Variants in TGM6 observed in about 807,000 individuals in gnomAD.
The protein encoded by TGM6 is transglutaminase 6, also known as protein-glutamine gamma-glutamyltransferase 6.
Under a neutral mutation model 77.5 loss-of-function variants are expected in TGM6, and 74 were observed. The observed-to-expected ratio is 0.96, with a 90% CI of 0.79 to 1.16. The LOEUF (loss-of-function observed/expected upper bound fraction) is 1.16. Ranked by LOEUF, TGM6 falls within the 50% of genes most tolerant of loss-of-function variation. The probability of loss-of-function intolerance (pLI) is 0.00; values close to 1 mark genes in which losing one functional copy is unlikely to be tolerated. For synonymous variants in TGM6, 383 were observed against 378.9 expected (o/e 1.01, Z -0.12); for missense variants, 968 against 940.2 (o/e 1.03, Z -0.39).
intron 10 of TGM6, among the ~76,000 whole-genome samples, chr20:2,425,382 A>C (rs1031015227): frequency 1.3e-5 from 2 of 152,104 alleles, no homozygotes; most frequent in South Asian, 4.1e-4. Context: ...TGATCATAGA[A>C]GCAAACACAT....
intron 1 of TGM6, among the ~76,000 whole-genome samples, chr20:2,393,610 G>A (rs535328200): frequency 5.3e-5 from 8 of 152,154 alleles, no homozygotes; most frequent in Admixed American, 2.6e-4. Context: ...CTGAGCTCAC[G>A]GCAACTTCCA....
chr20:2,389,425 C>A lies in TGM6; in HGVS notation c.8-5027C>A, dbSNP rs116631327. On this transcript the variant is annotated intron_variant, in intron 1 of 12. Coordinates refer to ENST00000202625, the MANE Select transcript of TGM6 (RefSeq NM_198994.3). ...AGTGGAGCTCTGCCCAAATTCCTGA[C>A]CCACAAAAACCATGAAAGATAACAT... Among the ~76,000 whole-genome samples the A allele has an allele frequency of 4.9e-3, 751 of 152,264 alleles. 5 individuals carry two copies. The highest frequency in any genetic ancestry group is 0.017 in the African/African-American group (717 of 41,536).
At chr20:2,405,444 A>G (rs144815197) in intron 9 of TGM6, among the ~76,000 whole-genome samples, 1 of 152,222 alleles carries the variant, frequency 6.6e-6, no homozygotes, top group African/African-American at 2.4e-5. Flanking sequence ...TAAAGCTCCC[A>G]GGTGGTCTCT....
intron 9 of TGM6, among the ~76,000 whole-genome samples, chr20:2,406,831 CAAA>C (rs3050731): frequency 1.7e-4 from 11 of 63,706 alleles, no homozygotes; most frequent in African/African-American, 3.6e-4. Flanking sequence ...CGAAACTCCT[CAAA>C]AAAAAAAAAA....
At chr20:2,421,023 C>T (rs565070600) in intron 10 of TGM6, among the ~76,000 whole-genome samples, 4 of 151,954 alleles carry the variant, frequency 2.6e-5, no homozygotes, top group African/African-American at 7.2e-5. Context: ...AGTCTCGCTC[C>T]GTCACCAGGC....
intron 1 of TGM6, among the ~76,000 whole-genome samples, chr20:2,383,068 A>G (rs1568650265): frequency 6.6e-6 from 1 of 152,216 alleles, no homozygotes; most frequent in Non-Finnish European, 1.5e-5. Context: ...AGCTTCCAAC[A>G]AGACCAGGAA....
intron 10 of TGM6, among the ~76,000 whole-genome samples, chr20:2,429,248 G>C (rs978059443): frequency 2.6e-5 from 4 of 152,274 alleles, no homozygotes; most frequent in Admixed American, 2.6e-4. Context: ...GCATTCAGGA[G>C]AATCTACGAT....
intron 1 of TGM6, among the ~76,000 whole-genome samples, chr20:2,389,537 G>A (rs1011853447): frequency 6.6e-6 from 1 of 152,068 alleles, no homozygotes; most frequent in African/African-American, 2.4e-5. Context: ...TTTTTTGTCC[G>A]TAATACCCTC....
At chr20:2,428,768 C>T (rs1048341887) in intron 10 of TGM6, among the ~76,000 whole-genome samples, 8 of 151,986 alleles carry the variant, frequency 5.3e-5, no homozygotes, top group African/African-American at 1.7e-4. Flanking sequence ...TCTGTGAAAG[C>T]GCTTCCAAGT....
At chr20:2,417,668 C>A in intron 10 of TGM6, 95 bp downstream of exon 10, 1 of 1,349,814 alleles carries the variant, frequency 7.4e-7, no homozygotes, top group Non-Finnish European at 1.0e-6. Flanking sequence ...CTGCATTCAT[C>A]CCCAGGAAGG....
At chr20:2,399,914 A>T (rs2084694804) in intron 6 of TGM6, among the ~76,000 whole-genome samples, 176 bp downstream of exon 6, 1 of 152,154 alleles carries the variant, frequency 6.6e-6, no homozygotes, top group Admixed American at 6.5e-5. Context: ...TTCATATCTG[A>T]TCTTTTATCT....
intron 3 of TGM6, among the ~76,000 whole-genome samples, chr20:2,396,217 G>GA (rs2084665980): frequency 6.6e-6 from 1 of 151,466 alleles, no homozygotes; most frequent in African/African-American, 2.4e-5. Context: ...AAGAAAAAAA[G>GA]AAGGAAATAT....
intron 1 of TGM6, among the ~76,000 whole-genome samples, chr20:2,383,482 G>A (rs1490576131): frequency 2.6e-5 from 4 of 152,170 alleles, no homozygotes; most frequent in African/African-American, 9.7e-5. Context: ...TGGGGAGGAG[G>A]TCAGAGGGCC....
intron 10 of TGM6, among the ~76,000 whole-genome samples, chr20:2,418,868 A>G (rs1285585385): frequency 6.6e-6 from 1 of 151,822 alleles, no homozygotes; most frequent in African/African-American, 2.4e-5. Flanking sequence ...CGAGGTCAGG[A>G]GATCGAAACC....
rs184911989 is a variant in TGM6, at chr20:2,431,064, C to A, written c.1967+37C>A. ...CCTGGGGGGCTGGCAGGGAATGGGG[C>A]TCTCTTCCTTGTGGATGAGCCAGAG... On this transcript the variant is annotated intron_variant, in intron 12 of 12. Transcript: ENST00000202625. 1.2e-4 allele frequency: 191 copies of A among 1,598,246 alleles called. 1 individual carries two copies. In the African/African-American group the frequency reaches 2.6e-3, roughly 22 times the overall value.
At chr20:2,396,268 C>T (rs1031931616) in intron 3 of TGM6, among the ~76,000 whole-genome samples, 5 of 152,060 alleles carry the variant, frequency 3.3e-5, no homozygotes, top group Non-Finnish European at 5.9e-5. Context: ...GAGGCCCACC[C>T]AAAGCTGTCA....
Position 2,403,404 on chromosome 20 carries a change from C to T in TGM6, c.997C>T (p.His333Tyr), listed in dbSNP as rs2084725021. The change falls in exon 8 of 13, where the codon CAT becomes TAT. Residue 333 changes from histidine (H) to tyrosine (Y), a missense_variant. His to Tyr is a moderately conservative substitution (Grantham distance 83, BLOSUM62 2). Coordinates refer to ENST00000202625, the MANE Select transcript of TGM6 (RefSeq NM_198994.3). ...ATCCTCTCTCTGTGGCAGGAATTTC[C>T]ATGTCTGGAATGAGAGCTGGTTTGC... ...DLTEDSMWNF[H>Y]VWNESWFARQ... 2 of 1,614,020 alleles carry T rather than the reference C, an allele frequency of 1.2e-6. No homozygotes were observed. The highest frequency in any genetic ancestry group is 2.2e-5 in the East Asian group (1 of 44,886).
chr20:2,393,222 C>T (rs1039800597), intron 1 of TGM6, among the ~76,000 whole-genome samples: 2 of 152,260 alleles, frequency 1.3e-5, no homozygotes, highest in Non-Finnish European at 2.9e-5. Flanking sequence ...ACCTGACATG[C>T]ATATTCCCAG....
chr20:2,420,288 A>G (rs1481534543), intron 10 of TGM6, among the ~76,000 whole-genome samples: 1 of 152,102 alleles, frequency 6.6e-6, no homozygotes, highest in Non-Finnish European at 1.5e-5. Context: ...TGGCCAAATG[A>G]TAGACTATTA....
Sources: gnomAD v4.1 joint callset for allele counts (sites outside exome capture counted in the v4.1 genomes callset) on GRCh38, gnomAD v4.1.1 for gene constraint, MANE v1.5 for transcripts, NCBI Gene and HGNC (gene_info 2026-07-23, HGNC 2026-07-21) for gene names.